The following PHAX variants were observed in gnomAD, a reference collection of about 807,000 sequenced individuals.
The protein encoded by PHAX is phosphorylated adaptor for RNA export, also known as phosphorylated adapter RNA export protein.
PHAX carries 31 observed loss-of-function variants against 41.6 expected under a neutral mutation model. That is an observed-to-expected ratio of 0.75 (90% CI 0.56 to 1.01). The LOEUF is 1.01. Among genes scored for constraint, PHAX ranks in the 50% least tolerant of loss-of-function variants. The pLI, the probability that PHAX is intolerant of heterozygous loss-of-function variation, is 0.00. For missense variants in PHAX, 453 were observed against 472.9 expected (o/e 0.96, Z 0.39); for synonymous variants, 175 against 164.9 (o/e 1.06, Z -0.47).
intron 1 of PHAX, among the ~76,000 whole-genome samples, chr5:126,603,154 G>A (rs1024246717): frequency 3.3e-5 from 5 of 151,254 alleles, no homozygotes; most frequent in South Asian, 2.1e-4. Context: ...TAGGAGGATC[G>A]CTTGAGCCTG....
intron 2 of PHAX, 94 bp downstream of exon 2, chr5:126,604,277 T>TTTTTTTTTTTTTTTTTTTTTTC: frequency 1.3e-6 from 1 of 762,684 alleles, no homozygotes; most frequent in African/African-American, 2.0e-5. Flanking sequence ...TATGTTCCTT[T>TTTTTTTTTTTTTTTTTTTTTTC]TTTTTTTTTT....
intron 1 of PHAX, among the ~76,000 whole-genome samples, chr5:126,602,971 C>T (rs1461255471): frequency 1.3e-5 from 2 of 149,940 alleles, no homozygotes; most frequent in African/African-American, 4.9e-5. Flanking sequence ...CGCCACTGCA[C>T]TCCAGCCTGG....
At position 126,623,030 on chromosome 5, in the gene PHAX, G is replaced by A. The variant is rs117701283; in HGVS notation, c.916-1545G>A. ...AGTTCCAGCTACTCTAGAGGCCAAG[G>A]CATGAGAATTGCTTGAACCCTGGAA... On this transcript the variant is annotated intron_variant, in intron 4 of 4. Coordinates refer to ENST00000297540, the MANE Select transcript of PHAX (RefSeq NM_032177.4). 1.4e-4 allele frequency among the ~76,000 whole-genome samples: 21 copies of A among 151,998 alleles called. No homozygotes were observed. The East Asian group carries it at 3.9e-3, about 28-fold the overall frequency.
At chr5:126,609,689 T>C (rs1438948573) in intron 3 of PHAX, among the ~76,000 whole-genome samples, 1 of 151,320 alleles carries the variant, frequency 6.6e-6, no homozygotes, top group Non-Finnish European at 1.5e-5. Flanking sequence ...TTCACTTAAT[T>C]CATGCATTCT....
In PHAX at chr5:126,624,848, C is replaced by T. The variant is rs1185801264; in HGVS notation, c.*4C>T. 3 of 1,597,356 alleles carry T rather than the reference C, an allele frequency of 1.9e-6. No individual in the cohort carries two copies. ...TCATGATTTGGACATCTTTTAAGTA[C>T]ATTTTCAACAGTTTGAGGACTAAGC... On this transcript the variant is annotated 3_prime_UTR_variant, in exon 5 of 5. Coordinates refer to ENST00000297540, the MANE Select transcript of PHAX (RefSeq NM_032177.4).
rs1138207 is a variant in PHAX, at chr5:126,626,124, A to G, written c.*1280A>G. ...GCTGGGCCTAGTGGCGCACACCTGC[A>G]ATCCCAACACTTTGGGAGGCCAAGA... is the stretch of plus-strand genomic sequence containing the variant. On this transcript the variant is annotated 3_prime_UTR_variant, in exon 5 of 5. Coordinates refer to ENST00000297540, the MANE Select transcript of PHAX (RefSeq NM_032177.4). 2 of 148,094 alleles carry G rather than the reference A, an allele frequency of 1.4e-5. No individual in the cohort carries two copies. Among genetic ancestry groups the G allele is most frequent in the Non-Finnish European group, 3.0e-5 (2 of 67,794 alleles). The allele number at this position is 148,094 out of a possible 1,614,324, so 9.2% of individuals were successfully genotyped here.
At position 126,604,078 on chromosome 5, in the gene PHAX, C is replaced by T; in HGVS notation, c.605C>T (p.Pro202Leu). The change falls in exon 2 of 5, where the codon CCT becomes CTT. Residue 202 changes from proline to leucine, a missense_variant. Transcript: ENST00000297540. ...CAAGGTCATCTCAAAAGGAAACGAC[C>T]TGTCAAAGACAGGCTAGGGAACAGA... ...NGQGHLKRKR[P>L]VKDRLGNRPE... The T allele has an allele frequency of 6.2e-7, 1 of 1,613,632 alleles. No homozygotes were observed. The highest frequency in any genetic ancestry group is 1.3e-5 in the African/African-American group (1 of 74,866).
At chr5:126,608,327 A>G (rs758733638) in intron 2 of PHAX, 37 bp from the exon 3 acceptor site, 1 of 1,595,340 alleles carries the variant, frequency 6.3e-7, no homozygotes, top group South Asian at 1.1e-5. Flanking sequence ...ACTTTGTACA[A>G]CAAACAAAGA....
At chr5:126,621,119 G>T (rs1249451312) in intron 4 of PHAX, among the ~76,000 whole-genome samples, 1 of 151,982 alleles carries the variant, frequency 6.6e-6, no homozygotes, top group Non-Finnish European at 1.5e-5. Context: ...TGAACTCTGG[G>T]GCTCAAATGA....
chr5:126,615,392 C>T (rs959235183), intron 3 of PHAX, among the ~76,000 whole-genome samples: 3 of 152,074 alleles, frequency 2.0e-5, no homozygotes, highest in African/African-American at 7.2e-5. Flanking sequence ...AGTTGTCCGA[C>T]ATGCACATGC....
chr5:126,604,934 T>C (rs1751966482), intron 2 of PHAX, among the ~76,000 whole-genome samples: 1 of 151,798 alleles, frequency 6.6e-6, no homozygotes, highest in Non-Finnish European at 1.5e-5. Flanking sequence ...CTCGGGAGGC[T>C]GAGGCAGGAG....
At chr5:126,621,006 AATTAC>A (rs1364811005) in intron 4 of PHAX, among the ~76,000 whole-genome samples, 1 of 151,600 alleles carries the variant, frequency 6.6e-6, no homozygotes, top group East Asian at 1.9e-4. Flanking sequence ...AAAGTGCTGG[AATTAC>A]AGGAGTGAGC....
rs1400551452 is a variant in PHAX, at chr5:126,617,660, G to A, written c.915+327G>A. The stretch of plus-strand genomic sequence containing the variant: ...TGCCTGGCTGATTTTTGTATTTTTA[G>A]TAGAGACGGGGTTTCACCATATTGG... On this transcript the variant is annotated intron_variant, in intron 4 of 4. Coordinates refer to ENST00000297540, the MANE Select transcript of PHAX (RefSeq NM_032177.4). Among the ~76,000 whole-genome samples, 7 of 152,020 alleles carry A rather than the reference G, an allele frequency of 4.6e-5. No homozygotes were observed. The East Asian group carries it at 9.7e-4, about 21-fold the overall frequency.
At chr5:126,614,819 C>T (rs1752159720) in intron 3 of PHAX, among the ~76,000 whole-genome samples, 1 of 151,982 alleles carries the variant, frequency 6.6e-6, no homozygotes, top group South Asian at 2.1e-4. Context: ...TGCAGTGGTG[C>T]GATCTCGGCT....
intron 3 of PHAX, among the ~76,000 whole-genome samples, chr5:126,616,047 C>CTTTTTTT (rs35245075): frequency 2.4e-5 from 3 of 123,802 alleles, no homozygotes; most frequent in Non-Finnish European, 5.0e-5. Context: ...CAACCACCAA[C>CTTTTTTT]TTTTTTTTTT....
At chr5:126,617,987 T>C (rs768801316) in intron 4 of PHAX, among the ~76,000 whole-genome samples, 2 of 152,180 alleles carry the variant, frequency 1.3e-5, no homozygotes, top group East Asian at 1.9e-4. Flanking sequence ...AGGACCTGGC[T>C]CTATTGCCCA....
intron 1 of PHAX, among the ~76,000 whole-genome samples, 177 bp downstream of exon 1, chr5:126,601,235 C>A (rs1031995801): frequency 4.6e-5 from 7 of 151,952 alleles, no homozygotes; most frequent in Non-Finnish European, 1.0e-4. Flanking sequence ...CCCAGGCGGG[C>A]TCACGGAGCC....
intron 3 of PHAX, among the ~76,000 whole-genome samples, chr5:126,612,212 C>T (rs953000649): frequency 6.6e-6 from 1 of 152,148 alleles, no homozygotes; most frequent in Admixed American, 6.6e-5. Flanking sequence ...CTGCTCTCTC[C>T]ACCCTAATCT....
At chr5:126,601,175 G>A (rs1045185543) in intron 1 of PHAX, 117 bp downstream of exon 1, 17 of 717,950 alleles carry the variant, frequency 2.4e-5, no homozygotes, top group Admixed American at 2.9e-5. Flanking sequence ...GCCAGAGCGA[G>A]GAGCCCAGGC....
Sources: gnomAD v4.1 joint callset for allele counts (sites outside exome capture counted in the v4.1 genomes callset) on GRCh38, gnomAD v4.1.1 for gene constraint, MANE v1.5 for transcripts, NCBI Gene and HGNC (gene_info 2026-07-23, HGNC 2026-07-21) for gene names.